The following NPNT variants were observed in gnomAD, a reference collection of about 807,000 sequenced individuals.
NPNT encodes preosteoblast EGF-like repeat protein with MAM domain.
In NPNT, 45 loss-of-function variants were observed where a neutral mutation model predicts 68.6. The ratio of observed to expected loss-of-function variants is 0.66; its 90% CI spans 0.52 to 0.84. The LOEUF is 0.84. NPNT is among the 40% of genes least tolerant of loss of function. The probability of loss-of-function intolerance (pLI) is 0.00; values close to 1 mark genes in which losing one functional copy is unlikely to be tolerated. For synonymous variants in NPNT, 233 were observed against 253.3 expected (o/e 0.92, Z 0.76); for missense variants, 672 against 714.8 (o/e 0.94, Z 0.68).
At chr4:105,966,638 AT>A (rs929998714) in intron 10 of NPNT, among the ~76,000 whole-genome samples, 9 of 148,878 alleles carry the variant, frequency 6.0e-5, no homozygotes, top group East Asian at 3.9e-4. Flanking sequence ...GCCAACTCTG[AT>A]TTTTTTTTTA....
rs994764057 is a variant in NPNT at position 105,970,249 on chromosome 4, A to T, written c.*1259A>T. On this transcript the variant is annotated 3_prime_UTR_variant, in exon 12 of 12. Coordinates refer to ENST00000379987, the MANE Select transcript of NPNT (RefSeq NM_001033047.3). ...GCAAGTTGGAATTCTAAGATCCATG[A>T]ACCCCCAACTGTATTTCCTCCCTGC... 19 of 571,412 alleles carry T rather than the reference A, an allele frequency of 3.3e-5. No individual in the cohort carries two copies. In the African/African-American group the frequency reaches 3.6e-4, roughly 11 times the overall value. 35.4% of individuals were successfully genotyped at this position (571,412 alleles called of 1,614,324 possible).
At chr4:105,920,184 A>AC (rs1728144384) in intron 2 of NPNT, among the ~76,000 whole-genome samples, 1 of 151,468 alleles carries the variant, frequency 6.6e-6, no homozygotes, top group Admixed American at 6.6e-5. Context: ...AGTCAGTGGA[A>AC]CTCCTCCAAG....
chr4:105,917,634 A>G (rs567107021), intron 2 of NPNT, among the ~76,000 whole-genome samples: 2 of 152,214 alleles, frequency 1.3e-5, no homozygotes, highest in Non-Finnish European at 2.9e-5. Context: ...TTATGAAAGC[A>G]CTGAAGAGGG....
Position 105,924,047 on chromosome 4 carries a change from C to CCCCG in NPNT, c.173-3287_173-3286insCGCC, listed in dbSNP as rs1553977501. Among the ~76,000 whole-genome samples the CCCCG allele has an allele frequency of 4.0e-5, 6 of 151,868 alleles. 1 individual carries two copies. In the South Asian group the frequency reaches 1.3e-3, roughly 32 times the overall value. ...GCAGTCCCCTTTGCTGCGCCCCCCCCCCACCACTTTGCTTATATTCTGAAA... is the reference window on the plus strand; with the variant it reads ...GCAGTCCCCTTTGCTGCGCCCCCCCCCCCGCCACCACTTTGCTTATATTCTGAAA... On this transcript the variant is annotated intron_variant, in intron 2 of 11. Transcript: ENST00000379987.
At chr4:105,924,803 T>A (rs4488941) in intron 2 of NPNT, among the ~76,000 whole-genome samples, 132,128 of 152,202 alleles carry the variant, frequency 0.87, 57,959 homozygotes, top group East Asian at 1. Flanking sequence ...CCTAAATAAA[T>A]TTTTTATGTT....
intron 2 of NPNT, among the ~76,000 whole-genome samples, chr4:105,909,946 T>G (rs1297521876): frequency 6.6e-6 from 1 of 152,204 alleles, no homozygotes; most frequent in East Asian, 1.9e-4. Flanking sequence ...ATCAGCAGTC[T>G]TAGCCTGTAG....
chr4:105,908,604 C>A (rs1161692175), intron 2 of NPNT, among the ~76,000 whole-genome samples: 2 of 151,492 alleles, frequency 1.3e-5, no homozygotes, highest in African/African-American at 4.9e-5. Context: ...TCCTCTGTCA[C>A]CCAGGCTGGA....
At chr4:105,898,298 CTCTCTCTCTCTCTG>C (rs1560881597) in intron 2 of NPNT, among the ~76,000 whole-genome samples, 21 of 126,788 alleles carry the variant, frequency 1.7e-4, no homozygotes, top group African/African-American at 8.0e-4. Context: ...ATTTCTCTCT[CTCTCTCTCTCTCTG>C]TCTCTCTCTC....
At position 105,902,328 on chromosome 4, in the gene NPNT, C is replaced by G. The variant is rs148431305; in HGVS notation, c.172+4327C>G. Among the ~76,000 whole-genome samples, 1,431 of 152,232 alleles carry G rather than the reference C, an allele frequency of 9.4e-3. 5 individuals are homozygous for G. The highest frequency in any genetic ancestry group is 0.013 in the Non-Finnish European group (900 of 68,004). On this transcript the variant is annotated intron_variant, in intron 2 of 11. Transcript: ENST00000379987. ...TTGAGGTCAACAACTATGACAACTT[C>G]CATTGAACATGAGTTAGTATTTTAA... is the stretch of plus-strand genomic sequence containing the variant.
chr4:105,940,891 G>A (rs1729894041), intron 7 of NPNT, among the ~76,000 whole-genome samples: 1 of 151,896 alleles, frequency 6.6e-6, no homozygotes, highest in South Asian at 2.1e-4. Context: ...TTTCTTTTTA[G>A]CTAAAAAGAA....
chr4:105,941,833 A>G (rs1729979097), intron 7 of NPNT, among the ~76,000 whole-genome samples: 1 of 152,226 alleles, frequency 6.6e-6, no homozygotes. Flanking sequence ...GTGGATAAGA[A>G]AAGTATTTGT....
chr4:105,935,950 T>C (rs1262609745), intron 3 of NPNT, among the ~76,000 whole-genome samples: 1 of 152,196 alleles, frequency 6.6e-6, no homozygotes, highest in Admixed American at 6.5e-5. Context: ...TTCAATGACA[T>C]GGATTAATAG....
chr4:105,927,696 C>G (rs1728799255), intron 3 of NPNT: 1 of 190,112 alleles, frequency 5.3e-6, no homozygotes, highest in African/African-American at 2.4e-5. Context: ...AATTTAGAAG[C>G]CTTCTGGTAC....
intron 2 of NPNT, among the ~76,000 whole-genome samples, chr4:105,914,516 T>TA (rs991687987): frequency 7.1e-6 from 1 of 141,386 alleles, no homozygotes; most frequent in Admixed American, 7.5e-5. Flanking sequence ...AGCCAGCTAT[T>TA]ACCTGCATGA....
chr4:105,954,390 A>G (rs930199193), intron 8 of NPNT, among the ~76,000 whole-genome samples: 14 of 152,222 alleles, frequency 9.2e-5, no homozygotes, highest in African/African-American at 3.1e-4. Context: ...CTAAAAATAT[A>G]TGAACATTCA....
chr4:105,956,422 A>G (rs907609971), intron 8 of NPNT, among the ~76,000 whole-genome samples: 15 of 152,048 alleles, frequency 9.9e-5, no homozygotes, highest in African/African-American at 3.6e-4. Flanking sequence ...GGTGCCAGGA[A>G]ACCTTTACAT....
intron 2 of NPNT, among the ~76,000 whole-genome samples, chr4:105,913,665 G>T (rs1336545039): frequency 2.0e-5 from 3 of 152,072 alleles, no homozygotes; most frequent in African/African-American, 7.2e-5. Context: ...TAGGACAGAT[G>T]GTACAGCACA....
intron 10 of NPNT, among the ~76,000 whole-genome samples, chr4:105,963,272 CTAAT>C (rs1731877093): frequency 6.6e-6 from 1 of 152,014 alleles, no homozygotes; most frequent in Non-Finnish European, 1.5e-5. Context: ...AATTACCAAG[CTAAT>C]TATTTACCTA....
At chr4:105,935,831 T>C (rs1376739511) in intron 3 of NPNT, among the ~76,000 whole-genome samples, 2 of 152,192 alleles carry the variant, frequency 1.3e-5, no homozygotes, top group African/African-American at 4.8e-5. Flanking sequence ...TGGAACTTGG[T>C]GATTTAGTTA....
Sources: gnomAD v4.1 joint callset for allele counts (sites outside exome capture counted in the v4.1 genomes callset) on GRCh38, gnomAD v4.1.1 for gene constraint, MANE v1.5 for transcripts, NCBI Gene and HGNC (gene_info 2026-07-23, HGNC 2026-07-21) for gene names.